The following SNRPA variants were observed in gnomAD, a reference collection of about 807,000 sequenced individuals.
The protein encoded by SNRPA is U1 small nuclear ribonucleoprotein A.
A neutral mutation model predicts 24.5 loss-of-function variants in SNRPA; 10 were observed. The ratio of observed to expected loss-of-function variants is 0.41; its 90% CI spans 0.25 to 0.69. The LOEUF (loss-of-function observed/expected upper bound fraction) is 0.69. Among genes scored for constraint, SNRPA ranks in the 30% least tolerant of loss-of-function variants. The pLI is 0.33. For missense variants in SNRPA, 283 were observed against 394.7 expected (o/e 0.72, Z 2.40); for synonymous variants, 165 against 148.4 (o/e 1.11, Z -0.81).
In SNRPA at chr19:40,751,255, C is replaced by T. The variant is rs1215277143; in HGVS notation, c.-154C>T. Reference sequence around the variant, plus strand: ...GTCCTACGCACGCTTTGTTGTCGCGCTTTGCCTCCGTCCTTGCCCCTACTC... The same window carrying T: ...GTCCTACGCACGCTTTGTTGTCGCGTTTTGCCTCCGTCCTTGCCCCTACTC... On this transcript the variant is annotated 5_prime_UTR_variant, in exon 1 of 6. Coordinates refer to ENST00000243563, the MANE Select transcript of SNRPA (RefSeq NM_004596.5). The T allele has an allele frequency of 1.5e-6, 1 of 683,400 alleles. No homozygotes were observed. Among genetic ancestry groups the T allele is most frequent in the South Asian group, 1.6e-5 (1 of 62,032 alleles). The allele number at this position is 683,400 out of a possible 1,614,324, so 42.3% of individuals were successfully genotyped here.
chr19:40,751,324 C>A lies in SNRPA; in HGVS notation c.-85C>A. 9.7e-7 allele frequency: 1 copy of A among 1,028,726 alleles called. No individual in the cohort carries two copies. Among genetic ancestry groups the A allele is most frequent in the Non-Finnish European group, 1.5e-6 (1 of 647,780 alleles). The allele number at this position is 1,028,726 out of a possible 1,614,324, so 63.7% of individuals were successfully genotyped here. On this transcript the variant is annotated 5_prime_UTR_variant, in exon 1 of 6. Transcript: ENST00000243563. Reference sequence around the variant, plus strand: ...TTTTCGGAGGAAGATCCTTGAGCAGCCGACGTTGGGACAAAGGATTTGGAG... The same window carrying A: ...TTTTCGGAGGAAGATCCTTGAGCAGACGACGTTGGGACAAAGGATTTGGAG...
intron 1 of SNRPA, among the ~76,000 whole-genome samples, chr19:40,752,384 T>C (rs2082882436): frequency 6.6e-6 from 1 of 151,314 alleles, no homozygotes; most frequent in African/African-American, 2.4e-5. Context: ...AGGGGTGATG[T>C]GACTTGCCCA....
intron 1 of SNRPA, chr19:40,751,685 T>A (rs540071469): frequency 1.8e-6 from 1 of 558,440 alleles, no homozygotes; most frequent in Admixed American, 2.9e-5. Context: ...CTGCTGCTCA[T>A]CTTACAAGGT....
intron 3 of SNRPA, among the ~76,000 whole-genome samples, chr19:40,760,891 G>A (rs945294939): frequency 1.3e-5 from 2 of 152,174 alleles, no homozygotes; most frequent in Non-Finnish European, 2.9e-5. Context: ...GTGAACAGTG[G>A]TTTTGTCACT....
intron 1 of SNRPA, among the ~76,000 whole-genome samples, chr19:40,754,083 C>G (rs576523406): frequency 9.6e-5 from 14 of 146,034 alleles, no homozygotes; most frequent in African/African-American, 2.0e-4. Flanking sequence ...TTACAGGCGT[C>G]AGCCCCAGCG....
chr19:40,759,418 C>T lies in SNRPA; in HGVS notation c.247-13C>T, dbSNP rs2082921914. 5.0e-6 allele frequency: 8 copies of T among 1,605,246 alleles called. No individual in the cohort carries two copies. Among genetic ancestry groups the T allele is most frequent in the Non-Finnish European group, 6.8e-6 (8 of 1,175,762 alleles). On this transcript the variant is annotated splice_polypyrimidine_tract_variant and intron_variant, in intron 2 of 5. Transcript: ENST00000243563. ...ATCCACGCTCTTAACCCGTTCTGCTCTCTGTTTGGTAGCGTATCCAGTATG... is the reference window on the plus strand; with the variant it reads ...ATCCACGCTCTTAACCCGTTCTGCTTTCTGTTTGGTAGCGTATCCAGTATG...
intron 2 of SNRPA, among the ~76,000 whole-genome samples, chr19:40,757,762 G>A (rs1441121693): frequency 2.0e-5 from 3 of 151,748 alleles, no homozygotes; most frequent in South Asian, 4.2e-4. Context: ...GGGCAACACC[G>A]TGAAACCCTG....
chr19:40,756,181 A>C (rs2082907750), intron 1 of SNRPA, among the ~76,000 whole-genome samples: 1 of 151,592 alleles, frequency 6.6e-6, no homozygotes, highest in Admixed American at 6.6e-5. Flanking sequence ...TGGTGGGAAG[A>C]TTGCTTGAGC....
At chr19:40,753,684 A>G (rs1046011358) in intron 1 of SNRPA, among the ~76,000 whole-genome samples, 2 of 151,086 alleles carry the variant, frequency 1.3e-5, no homozygotes, top group Non-Finnish European at 3.0e-5. Flanking sequence ...GGTGTGAGCC[A>G]CCACACCCGG....
chr19:40,758,817 C>T (rs1053396766), intron 2 of SNRPA: 5 of 151,994 alleles, frequency 3.3e-5, no homozygotes, highest in African/African-American at 1.2e-4. Context: ...ACCTTCGCCT[C>T]CTGGGTTCAA....
intron 3 of SNRPA, 30 bp downstream of exon 3, chr19:40,759,640 C>T (rs2082923328): frequency 1.9e-6 from 3 of 1,568,568 alleles, no homozygotes; most frequent in Middle Eastern, 2.2e-4. Context: ...CCAACCCTCC[C>T]ACTGCCAGAC....
Position 40,759,496 on chromosome 19 carries a change from G to C in SNRPA, c.312G>C (p.Arg104=). 1 of 1,613,988 alleles carries C rather than the reference G, an allele frequency of 6.2e-7. No individual in the cohort carries two copies. The highest frequency in any genetic ancestry group is 8.5e-7 in the Non-Finnish European group (1 of 1,180,002). The part of the protein sequence containing the change: ...IAKMKGTFVE[R]DRKREKRKPK... ...AGATGAAAGGCACCTTCGTGGAGCG[G>C]GACCGCAAGCGGGAGAAGAGGAAGC... Residue 104 remains arginine (R), a synonymous_variant, in exon 3 of 6, where the codon CGG becomes CGC. Transcript: ENST00000243563.
chr19:40,751,725 G>A (rs1487288827), intron 1 of SNRPA, among the ~76,000 whole-genome samples: 2 of 152,152 alleles, frequency 1.3e-5, no homozygotes, highest in Non-Finnish European at 1.5e-5. Context: ...CCTCCAGGAA[G>A]CCTTGCCTTG....
intron 1 of SNRPA, among the ~76,000 whole-genome samples, chr19:40,755,396 C>T (rs1362472989): frequency 6.6e-6 from 1 of 151,754 alleles, no homozygotes; most frequent in African/African-American, 2.4e-5. Context: ...CATGAGCCAC[C>T]ATGCCTGGCC....
chr19:40,758,412 G>A (rs115653217), intron 2 of SNRPA, among the ~76,000 whole-genome samples: 2,846 of 152,246 alleles, frequency 0.019, 67 homozygotes, highest in African/African-American at 0.05. Flanking sequence ...GAGTGAGATT[G>A]AACCTGGAAG....
intron 3 of SNRPA, among the ~76,000 whole-genome samples, chr19:40,759,917 A>C (rs2082924562): frequency 6.6e-6 from 1 of 152,200 alleles, no homozygotes; most frequent in Non-Finnish European, 1.5e-5. Flanking sequence ...CTCATTGTGC[A>C]TGTAGAAAAT....
rs748856827 is a variant in SNRPA, at chr19:40,757,390, G to C, written c.132G>C (p.Leu44=). 6.2e-7 allele frequency: 1 copy of C among 1,614,080 alleles called. No individual in the cohort carries two copies. The highest frequency in any genetic ancestry group is 1.1e-5 in the South Asian group (1 of 91,074). Residue 44 remains leucine (L), a synonymous_variant, in exon 2 of 6, where the codon CTG becomes CTC. Transcript: ENST00000243563. ...AGTTTGGCCAGATCCTGGATATCCT[G>C]GTATCACGGAGCCTGAAGATGAGGG... ...FSQFGQILDI[L]VSRSLKMRGQ... is the part of the protein sequence containing the mutation.
chr19:40,764,286 C>T (rs1007312510), intron 5 of SNRPA, among the ~76,000 whole-genome samples: 6 of 152,090 alleles, frequency 3.9e-5, no homozygotes, highest in Non-Finnish European at 7.4e-5. Context: ...TGCAGCATCT[C>T]ACCATGCTGC....
intron 1 of SNRPA, among the ~76,000 whole-genome samples, chr19:40,754,308 G>A (rs2082899278): frequency 6.6e-6 from 1 of 151,960 alleles, no homozygotes; most frequent in Admixed American, 6.6e-5. Context: ...TCACCATCTT[G>A]GCTATGCTGG....
Sources: gnomAD v4.1 joint callset for allele counts (sites outside exome capture counted in the v4.1 genomes callset) on GRCh38, gnomAD v4.1.1 for gene constraint, MANE v1.5 for transcripts, NCBI Gene and HGNC (gene_info 2026-07-23, HGNC 2026-07-21) for gene names.